SGCD: variants seen among roughly 807,000 people sequenced by gnomAD.
SGCD encodes the protein delta-sarcoglycan.
Under a neutral mutation model 36.6 loss-of-function variants are expected in SGCD, and 18 were observed. The observed-to-expected ratio is 0.49, with a 90% CI of 0.34 to 0.73. SGCD has a LOEUF of 0.73. SGCD is among the 30% of genes least tolerant of loss of function. The pLI is 0.01. For missense variants in SGCD, 387 were observed against 346.7 expected, an observed-to-expected ratio of 1.12 and a Z score of -0.92; for synonymous variants, 133 against 130.6, an observed-to-expected ratio of 1.02 and a Z score of -0.12.
chr5:155,956,717 G>GCCTCTA (rs1757659232), intron 1 of SGCD, among the ~76,000 whole-genome samples: 2 of 151,846 alleles, frequency 1.3e-5, no homozygotes, highest in African/African-American at 4.8e-5. Flanking sequence ...CATCACTGCA[G>GCCTCTA]CCTCTACCTC....
chr5:155,922,396 C>A (rs928403194), intron 1 of SGCD, among the ~76,000 whole-genome samples: 4 of 152,106 alleles, frequency 2.6e-5, no homozygotes, highest in Non-Finnish European at 4.4e-5. Context: ...CCTTATTCCT[C>A]ACACTTGAGT....
intron 3 of SGCD, among the ~76,000 whole-genome samples, chr5:156,430,506 G>A (rs777815717): frequency 6.6e-6 from 1 of 151,848 alleles, no homozygotes; most frequent in African/African-American, 2.4e-5. Context: ...TTTCTTCTTG[G>A]TCTGGATCCA....
At chr5:156,495,641 A>G (rs1274429321) in intron 3 of SGCD, among the ~76,000 whole-genome samples, 1 of 152,144 alleles carries the variant, frequency 6.6e-6, no homozygotes, top group Non-Finnish European at 1.5e-5. Context: ...GGTGGGAAGC[A>G]CTCACCCAGC....
Position 156,229,276 on chromosome 5 carries a change from A to ATATATATATATATATATATATATATATG in SGCD, c.-43-100258_-43-100257insTATATATATATATATATATATATATATG, listed in dbSNP as rs1561574916. ...TACATACATACATATATATATACAT[A>ATATATATATATATATATATATATATATG]CATATATATATATATATATATATAA... On this transcript the variant is annotated intron_variant, in intron 3 of 9. Transcript: ENST00000517913. Among the ~76,000 whole-genome samples the ATATATATATATATATATATATATATATG allele has an allele frequency of 9.1e-5, 4 of 44,006 alleles. No homozygotes were observed. The East Asian group carries it at 8.5e-3, about 94-fold the overall frequency. 28.9% of individuals were successfully genotyped at this position (44,006 alleles called of 152,430 possible).
chr5:156,034,336 G>A (rs895736579), intron 1 of SGCD, among the ~76,000 whole-genome samples: 13 of 152,226 alleles, frequency 8.5e-5, no homozygotes, highest in Non-Finnish European at 1.5e-4. Context: ...TAATTAGTGC[G>A]AGTCTAGATT....
chr5:155,941,564 C>T (rs1757327911), intron 1 of SGCD, among the ~76,000 whole-genome samples: 1 of 150,658 alleles, frequency 6.6e-6, no homozygotes, highest in Non-Finnish European at 1.5e-5. Context: ...AATTATATTG[C>T]TGTTAATAAT....
intron 3 of SGCD, among the ~76,000 whole-genome samples, chr5:156,259,091 C>A (rs974677710): frequency 6.6e-6 from 1 of 151,488 alleles, no homozygotes; most frequent in East Asian, 1.9e-4. Context: ...TTCAGTTTCC[C>A]TATATCTTCT....
chr5:156,156,650 G>A lies in SGCD; in HGVS notation c.-44+32631G>A, dbSNP rs372499799. On this transcript the variant is annotated intron_variant, in intron 3 of 9. Coordinates refer to the SGCD transcript ENST00000517913. ...AGAAAAATACCAAAAATGCACATAC[G>A]CAGCTGTACAGAACACCCCAAACCT... 4.0e-5 allele frequency among the ~76,000 whole-genome samples: 6 copies of A among 151,184 alleles called. No individual in the cohort carries two copies. The South Asian group carries it at 8.3e-4, about 21-fold the overall frequency.
intron 1 of SGCD, among the ~76,000 whole-genome samples, chr5:155,996,917 ACAGGCAGG>A (rs1324354565): frequency 2.0e-5 from 3 of 151,862 alleles, no homozygotes; most frequent in African/African-American, 7.3e-5. Context: ...AGACAGACAG[ACAGGCAGG>A]CAGACAGACA....
chr5:156,061,077 A>G (rs1301409294), intron 1 of SGCD, among the ~76,000 whole-genome samples: 1 of 145,782 alleles, frequency 6.9e-6, no homozygotes, highest in African/African-American at 2.5e-5. Context: ...ATAAAAATCT[A>G]TTCAAGACTT....
Position 156,132,748 on chromosome 5 carries a change from G to A in SGCD, c.-44+8729G>A, listed in dbSNP as rs573482475. Among the ~76,000 whole-genome samples the A allele has an allele frequency of 7.9e-5, 12 of 152,144 alleles. No individual in the cohort carries two copies. The South Asian group carries it at 1.9e-3, about 24-fold the overall frequency. On this transcript the variant is annotated intron_variant, in intron 3 of 9. Coordinates refer to the SGCD transcript ENST00000517913. ...CTCCCAAAGTGCGGGGATTACAGGC[G>A]TGAGCCACCGCGCCCGGCCCTTACC...
intron 3 of SGCD, among the ~76,000 whole-genome samples, chr5:156,321,726 G>A (rs984925036): frequency 2.0e-5 from 3 of 152,178 alleles, no homozygotes; most frequent in African/African-American, 7.2e-5. Context: ...CCCAGGGAAA[G>A]TGAGCATGTG....
At chr5:156,218,569 T>C (rs1171613889) in intron 3 of SGCD, among the ~76,000 whole-genome samples, 2 of 152,202 alleles carry the variant, frequency 1.3e-5, no homozygotes, top group Non-Finnish European at 2.9e-5. Flanking sequence ...CTGACATGAC[T>C]ATTTTTGCCT....
intron 4 of SGCD, among the ~76,000 whole-genome samples, chr5:156,585,648 T>C (rs1055254132): frequency 1.3e-5 from 2 of 152,178 alleles, no homozygotes; most frequent in Non-Finnish European, 2.9e-5. Flanking sequence ...AGAGGACCCA[T>C]GGACTATTCC....
chr5:156,576,594 C>A (rs1759968428), intron 4 of SGCD, among the ~76,000 whole-genome samples: 1 of 152,102 alleles, frequency 6.6e-6, no homozygotes, highest in South Asian at 2.1e-4. Flanking sequence ...TTGTTGTTTC[C>A]CAATTTTATA....
Position 156,763,131 on chromosome 5 carries a change from G to A in SGCD, c.*3741G>A, listed in dbSNP as rs560745053. ...ACCCTTAATTGATAGACCATACCAG[G>A]TTCTGCAGGTCAGCATCATTGTGTA... is the stretch of plus-strand genomic sequence containing the variant. On this transcript the variant is annotated 3_prime_UTR_variant, in exon 9 of 9. Transcript: ENST00000337851. The A allele has an allele frequency of 2.0e-4, 31 of 151,584 alleles. No homozygotes were observed. The highest frequency in any genetic ancestry group is 7.4e-4 in the African/African-American group (30 of 40,468). The allele number at this position is 151,584 out of a possible 1,614,324, so 9.4% of individuals were successfully genotyped here.
intron 6 of SGCD, among the ~76,000 whole-genome samples, chr5:156,601,836 A>G (rs1761204474): frequency 6.6e-6 from 1 of 151,958 alleles, no homozygotes; most frequent in African/African-American, 2.4e-5. Context: ...GGCGCCTGCC[A>G]CCACGCCCGG....
chr5:156,547,586 G>C (rs1020305532), intron 4 of SGCD, among the ~76,000 whole-genome samples: 1 of 152,010 alleles, frequency 6.6e-6, no homozygotes, highest in African/African-American at 2.4e-5. Flanking sequence ...GGGACTACAG[G>C]TGCCCATCAC....
intron 7 of SGCD, among the ~76,000 whole-genome samples, chr5:156,682,709 A>G (rs1377101061): frequency 3.3e-5 from 5 of 152,214 alleles, no homozygotes; most frequent in Non-Finnish European, 5.9e-5. Flanking sequence ...GGAGGATATC[A>G]TTTGATCAGC....
Sources: allele counts gnomAD v4.1 joint callset (sites outside exome capture counted in the v4.1 genomes callset), GRCh38; gene constraint gnomAD v4.1.1; transcripts MANE v1.5; gene names NCBI Gene and HGNC (gene_info 2026-07-23, HGNC 2026-07-21).